COL13A1: variants seen among roughly 807,000 people sequenced by gnomAD.
COL13A1 encodes collagen alpha-1(XIII) chain.
COL13A1 carries 89 observed loss-of-function variants against 130.9 expected under a neutral mutation model. The observed-to-expected ratio is 0.68, with a 90% CI of 0.57 to 0.81. COL13A1 has a LOEUF of 0.81. Among genes scored for constraint, COL13A1 ranks in the 30% least tolerant of loss-of-function variants. The pLI is 0.00. For synonymous variants in COL13A1, 402 were observed against 341.6 expected (o/e 1.18, Z -1.95); for missense variants, 879 against 934.6 (o/e 0.94, Z 0.78).
chr10:69,855,407 G>C (rs948408959), intron 2 of COL13A1, among the ~76,000 whole-genome samples: 1 of 151,904 alleles, frequency 6.6e-6, no homozygotes, highest in Non-Finnish European at 1.5e-5. Flanking sequence ...TGAGAGACAG[G>C]GACAAAAATG....
In COL13A1 at chr10:69,937,713, C is replaced by T; in HGVS notation, c.1876C>T (p.Pro626Ser). The change falls in exon 34 of 41, where the codon CCC (proline) becomes TCC (serine). Residue 626 changes from proline to serine, a missense_variant and splice_region_variant. Pro to Ser is a moderately conservative substitution (Grantham distance 74). Coordinates refer to ENST00000645393, the MANE Select transcript of COL13A1 (RefSeq NM_001368882.1). ...EKGDRGPLGLPGASGLDGRPG... is the reference protein window; with the variant it reads ...EKGDRGPLGLSGASGLDGRPG... ...AGGAGACCGTGGTCCCCTGGGACTA[C>T]CCGTAAGTACCTTGGACCCAGCAAG... 2 of 1,478,364 alleles carry T rather than the reference C, an allele frequency of 1.4e-6. No homozygotes were observed. The highest frequency in any genetic ancestry group is 2.3e-5 in the South Asian group (2 of 88,308). The allele number at this position is 1,478,364 out of a possible 1,614,324, so 91.6% of individuals were successfully genotyped here.
chr10:69,854,175 A>G (rs898625331), intron 2 of COL13A1, among the ~76,000 whole-genome samples: 1 of 152,114 alleles, frequency 6.6e-6, no homozygotes, highest in Non-Finnish European at 1.5e-5. Context: ...TTCAGCCTAC[A>G]TGGTATGGTG....
At chr10:69,818,358 T>C (rs745798394) in intron 1 of COL13A1, among the ~76,000 whole-genome samples, 3 of 152,214 alleles carry the variant, frequency 2.0e-5, no homozygotes, top group Non-Finnish European at 4.4e-5. Flanking sequence ...GTGCCCTTTA[T>C]ACCACCCAAA....
Position 69,834,559 on chromosome 10 carries a change from T to C in COL13A1, c.364+12121T>C, listed in dbSNP as rs192741088. On this transcript the variant is annotated intron_variant, in intron 2 of 40. Transcript: ENST00000645393. ...AAATACAATATCACTTACATTCTGA[T>C]CAAGCACCCTATGATGTAAGGCTAT... Among the ~76,000 whole-genome samples the C allele has an allele frequency of 1.4e-3, 209 of 152,288 alleles. 1 individual carries two copies. Among genetic ancestry groups the C allele is most frequent in the African/African-American group, 4.7e-3 (197 of 41,558 alleles).
intron 2 of COL13A1, chr10:69,824,102 A>G (rs771977747): frequency 4.2e-5 from 20 of 472,154 alleles, no homozygotes; most frequent in African/African-American, 1.2e-4. Flanking sequence ...CAGTCTTATG[A>G]CCTTCAGAGA....
chr10:69,876,990 C>T (rs572984670), intron 5 of COL13A1, among the ~76,000 whole-genome samples: 2 of 152,286 alleles, frequency 1.3e-5, no homozygotes, highest in Non-Finnish European at 1.5e-5. Flanking sequence ...CAGGAAGTGT[C>T]CACACTTCCC....
chr10:69,880,582 G>A lies in COL13A1; in HGVS notation c.513+29G>A, dbSNP rs147590823. 418 of 1,611,370 alleles carry A rather than the reference G, an allele frequency of 2.6e-4. 1 individual carries two copies. The highest frequency in any genetic ancestry group is 3.4e-4 in the Non-Finnish European group (397 of 1,178,846). On this transcript the variant is annotated intron_variant, in intron 7 of 40. Transcript: ENST00000645393. ...AGTTGTTTTTGCTCTTCCTCGGGGTGTTGGGGGGATGGGTGAGTTGATGAA... is the reference window on the plus strand; with the variant it reads ...AGTTGTTTTTGCTCTTCCTCGGGGTATTGGGGGGATGGGTGAGTTGATGAA...
chr10:69,918,453 C>G, intron 19 of COL13A1, 136 bp downstream of exon 19: 1 of 831,192 alleles, frequency 1.2e-6, no homozygotes, highest in Non-Finnish European at 1.9e-6. Context: ...ACATTTTTCT[C>G]AAAGTAACAT....
At chr10:69,956,863 A>G in intron 39 of COL13A1, 141 bp from the exon 40 acceptor site, 3 of 664,084 alleles carry the variant, frequency 4.5e-6, no homozygotes, top group Non-Finnish European at 8.4e-6. Flanking sequence ...GACCTGTAGT[A>G]GAGAAAAGAA....
At chr10:69,936,888 T>A in intron 33 of COL13A1, 106 bp downstream of exon 33, 2 of 1,356,412 alleles carry the variant, frequency 1.5e-6, no homozygotes, top group East Asian at 2.3e-5. Flanking sequence ...TAGGTGACAC[T>A]CCAGCCAAGG....
In COL13A1 at chr10:69,932,273, G is replaced by C. The variant is rs139159094; in HGVS notation, c.1684-287G>C. On this transcript the variant is annotated intron_variant, in intron 30 of 40. Transcript: ENST00000645393. ...ATCTGCAACATAATCATAGAAGTGAGGTCCCACCACCTTTGCCATGTGCCT... is the reference window on the plus strand; with the variant it reads ...ATCTGCAACATAATCATAGAAGTGACGTCCCACCACCTTTGCCATGTGCCT... Among the ~76,000 whole-genome samples the C allele has an allele frequency of 5.7e-3, 864 of 152,228 alleles. 3 individuals carry two copies. The highest frequency in any genetic ancestry group is 0.02 in the African/African-American group (837 of 41,534).
rs116047761 is a variant in COL13A1, at chr10:69,804,316, C to T, written c.294+1599C>T. 4.3e-3 allele frequency among the ~76,000 whole-genome samples: 655 copies of T among 152,162 alleles called. 4 individuals carry two copies. Among genetic ancestry groups the T allele is most frequent in the African/African-American group, 0.014 (592 of 41,510 alleles). The stretch of plus-strand genomic sequence containing the variant: ...CTCTCCATGCTTTCCCCTTCCCAGA[C>T]CTTCCTGCTGGCCTGACCATGCCCT... On this transcript the variant is annotated intron_variant, in intron 1 of 40. Transcript: ENST00000645393.
chr10:69,906,741 G>T (rs1012156599), intron 17 of COL13A1, among the ~76,000 whole-genome samples: 3 of 151,332 alleles, frequency 2.0e-5, no homozygotes, highest in Non-Finnish European at 4.4e-5. Flanking sequence ...TTTTGTTTTT[G>T]TTTTTTTTGA....
intron 13 of COL13A1, among the ~76,000 whole-genome samples, chr10:69,898,496 C>T (rs900080159): frequency 6.6e-5 from 10 of 152,254 alleles, no homozygotes; most frequent in Admixed American, 1.3e-4. Context: ...GGGCAAGCTC[C>T]GCTCTGCATC....
At chr10:69,883,218 G>A (rs1034406649) in intron 7 of COL13A1, among the ~76,000 whole-genome samples, 1 of 152,188 alleles carries the variant, frequency 6.6e-6, no homozygotes, top group South Asian at 2.1e-4. Flanking sequence ...CTTTAAGGGA[G>A]GCTCAGTAAA....
chr10:69,802,776 C>G, intron 1 of COL13A1, 59 bp downstream of exon 1: 1 of 1,594,226 alleles, frequency 6.3e-7, no homozygotes, highest in Non-Finnish European at 8.6e-7. Context: ...CGCGCAGCCT[C>G]CAGACTGTTC....
chr10:69,859,069 G>A (rs1321932275), intron 2 of COL13A1, among the ~76,000 whole-genome samples: 2 of 152,120 alleles, frequency 1.3e-5, no homozygotes, highest in Non-Finnish European at 2.9e-5. Context: ...ACCTCTCTGT[G>A]GCTCAGTTTC....
chr10:69,827,413 G>T (rs1847751980), intron 2 of COL13A1, among the ~76,000 whole-genome samples: 1 of 152,294 alleles, frequency 6.6e-6, no homozygotes, highest in East Asian at 1.9e-4. Context: ...CAGAAAATGT[G>T]GTAATTGCTT....
At chr10:69,879,316 G>T (rs41277954) in intron 6 of COL13A1, 9,155 of 152,294 alleles carry the variant, frequency 0.06, 386 homozygotes, top group South Asian at 0.13. Context: ...CCCTTCCATG[G>T]ACCAGGCATT....
Sources: gnomAD v4.1 joint callset for allele counts (sites outside exome capture counted in the v4.1 genomes callset) on GRCh38, gnomAD v4.1.1 for gene constraint, MANE v1.5 for transcripts, NCBI Gene and HGNC (gene_info 2026-07-23, HGNC 2026-07-21) for gene names.